The following THSD7A variants were observed in gnomAD, a reference collection of about 807,000 sequenced individuals.
THSD7A encodes thrombospondin type-1 domain-containing protein 7A.
A neutral mutation model predicts 231.3 loss-of-function variants in THSD7A; 96 were observed. The observed-to-expected ratio is 0.41, with a 90% confidence interval of 0.35 to 0.49. The LOEUF (loss-of-function observed/expected upper bound fraction) is 0.49. THSD7A is among the 20% of genes least tolerant of loss of function. The pLI, the probability that THSD7A is intolerant of heterozygous loss-of-function variation, is 0.05. For synonymous variants in THSD7A, 940 were observed against 743.3 expected (o/e 1.26, Z -4.30); for missense variants, 2,290 against 2,070.2 (o/e 1.11, Z -2.06).
In THSD7A at chr7:11,636,145, TTCC is replaced by T. The variant is rs1781833204; in HGVS notation, c.1004_1006del (p.Gly335_Lys336delinsGlu). ...AAAATGTTACCTTAAATCAGCAGCT[TTCC>T]CCGTCTTGTTAATGCACATAACCTC... On this transcript the variant is annotated inframe_deletion, in exon 2 of 28. Coordinates refer to ENST00000423059, the MANE Select transcript of THSD7A (RefSeq NM_015204.3). This position sits in a 1 kb window ranked among gnomAD's most constrained non-coding sequence, Gnocchi z 10.0. 1.2e-6 allele frequency: 2 copies of T among 1,611,016 alleles called. No individual in the cohort carries two copies. Among genetic ancestry groups the T allele is most frequent in the Non-Finnish European group, 8.5e-7 (1 of 1,178,542 alleles).
chr7:11,523,536 C>T (rs939439631), intron 6 of THSD7A, among the ~76,000 whole-genome samples: 1 of 151,792 alleles, frequency 6.6e-6, no homozygotes, highest in African/African-American at 2.4e-5. Context: ...TAATCCCTGA[C>T]AAAAAATTAC....
In THSD7A at chr7:11,521,298, G is replaced by A. The variant is rs190965157; in HGVS notation, c.1822+20121C>T. Among the ~76,000 whole-genome samples the A allele has an allele frequency of 9.3e-4, 141 of 152,042 alleles. 1 individual carries two copies. In the Middle Eastern group the frequency reaches 0.01, roughly 11 times the overall value. On this transcript the variant is annotated intron_variant, in intron 6 of 27. Transcript: ENST00000423059. ...TTTCATTCTCTTAGAACTTTTAAGAGTTAAACATGCCCAACTACATTCATT... is the reference window on the plus strand; with the variant it reads ...TTTCATTCTCTTAGAACTTTTAAGAATTAAACATGCCCAACTACATTCATT...
intron 1 of THSD7A, among the ~76,000 whole-genome samples, chr7:11,766,019 A>T (rs565694694): frequency 6.6e-6 from 1 of 152,294 alleles, no homozygotes; most frequent in Non-Finnish European, 1.5e-5. Context: ...CACAGTGTCA[A>T]TTCAGTGACA....
chr7:11,723,799 C>A lies in THSD7A; in HGVS notation c.191-86838G>T, dbSNP rs540581437. Among the ~76,000 whole-genome samples the A allele has an allele frequency of 2.0e-5, 3 of 151,930 alleles. No homozygotes were observed. The South Asian group carries it at 6.2e-4, about 32-fold the overall frequency. On this transcript the variant is annotated intron_variant, in intron 1 of 27. Transcript: ENST00000423059. ...TTCTATCATAACAGGGTCAGTAGGG[C>A]CAAAGCAGAATGAGCAAGAAGATTG...
intron 17 of THSD7A, among the ~76,000 whole-genome samples, chr7:11,414,384 T>G (rs925184143): frequency 4.6e-5 from 7 of 152,240 alleles, no homozygotes; most frequent in Admixed American, 6.5e-5. Flanking sequence ...ATGCATACTC[T>G]TTGTTTTTTA....
chr7:11,583,340 A>T (rs1322856524), intron 4 of THSD7A, among the ~76,000 whole-genome samples: 1 of 152,026 alleles, frequency 6.6e-6, no homozygotes, highest in Non-Finnish European at 1.5e-5. Context: ...GCAGTGGCAC[A>T]ATCTTGGCTA....
chr7:11,810,955 A>T (rs112374182), intron 1 of THSD7A, among the ~76,000 whole-genome samples: 2 of 152,064 alleles, frequency 1.3e-5, no homozygotes, highest in Non-Finnish European at 2.9e-5. Flanking sequence ...GCCAACTAAA[A>T]TTTTTTCCCA....
At chr7:11,435,697 G>A (rs952621254) in intron 13 of THSD7A, among the ~76,000 whole-genome samples, 44 of 152,160 alleles carry the variant, frequency 2.9e-4, no homozygotes, top group African/African-American at 1.0e-3. Context: ...AGCTGGTTCT[G>A]ATTTGTATCC....
At chr7:11,401,657 C>T in intron 23 of THSD7A, 138 bp downstream of exon 23, 1 of 713,840 alleles carries the variant, frequency 1.4e-6, no homozygotes, top group Non-Finnish European at 2.1e-6. Flanking sequence ...GGTGATCCGC[C>T]CACCTAGGCC....
chr7:11,748,783 C>A (rs1337742064), intron 1 of THSD7A, among the ~76,000 whole-genome samples: 1 of 151,596 alleles, frequency 6.6e-6, no homozygotes, highest in East Asian at 1.9e-4. Flanking sequence ...TGAAATAGGG[C>A]AATAGTGATA....
chr7:11,656,140 T>A (rs773291808), intron 1 of THSD7A, among the ~76,000 whole-genome samples: 22 of 151,932 alleles, frequency 1.4e-4, no homozygotes, highest in Non-Finnish European at 2.8e-4. Flanking sequence ...AGCATTTAGG[T>A]TGCATTTGAA....
chr7:11,426,336 C>A (rs928878139), intron 15 of THSD7A, among the ~76,000 whole-genome samples: 1 of 152,116 alleles, frequency 6.6e-6, no homozygotes, highest in African/African-American at 2.4e-5. Context: ...TCCACTTGCA[C>A]TTTTTCCTTC....
At chr7:11,622,931 A>G (rs1781365237) in intron 2 of THSD7A, among the ~76,000 whole-genome samples, 1 of 152,132 alleles carries the variant, frequency 6.6e-6, no homozygotes, top group Admixed American at 6.6e-5. Context: ...AGATATCTTC[A>G]TAGTTGTGGG....
At chr7:11,550,755 T>C (rs1204144516) in intron 4 of THSD7A, among the ~76,000 whole-genome samples, 7 of 152,174 alleles carry the variant, frequency 4.6e-5, no homozygotes, top group Admixed American at 2.0e-4. Context: ...AGTAATATTA[T>C]TGAAGTGGCC....
intron 1 of THSD7A, among the ~76,000 whole-genome samples, chr7:11,778,766 T>G (rs571483751): frequency 1.3e-5 from 2 of 152,282 alleles, no homozygotes; most frequent in East Asian, 3.9e-4. Context: ...GAAGTTCATA[T>G]TCTCATGTGA....
At chr7:11,501,358 A>G (rs1583858715) in intron 6 of THSD7A, among the ~76,000 whole-genome samples, 2 of 152,350 alleles carry the variant, frequency 1.3e-5, no homozygotes, top group East Asian at 3.9e-4. Context: ...CACATACTCT[A>G]AAATTGACCA....
intron 4 of THSD7A, among the ~76,000 whole-genome samples, chr7:11,575,547 G>C (rs529208564): frequency 1.8e-4 from 27 of 152,252 alleles, no homozygotes; most frequent in African/African-American, 6.3e-4. Context: ...TTGTGTCTCT[G>C]CATTGAACTG....
At position 11,424,814 on chromosome 7, in the gene THSD7A, G is replaced by A; in HGVS notation, c.3265C>T (p.Pro1089Ser). ...VNQAQVYEVV[P>S]CHSDCNQYLW... is the part of the protein sequence containing the mutation. ...TACTGGTTGCAGTCACTGTGGCATG[G>A]GACAACCTCATACACCTGAAACACA... Residue 1089 changes from proline to serine, a missense_variant, in exon 16 of 28, where the codon CCA (proline) becomes TCA (serine). Coordinates refer to ENST00000423059, the MANE Select transcript of THSD7A (RefSeq NM_015204.3). The A allele has an allele frequency of 6.2e-7, 1 of 1,613,912 alleles. No homozygotes were observed. Among genetic ancestry groups the A allele is most frequent in the Non-Finnish European group, 8.5e-7 (1 of 1,179,862 alleles).
chr7:11,457,188 C>T (rs1785336021), intron 11 of THSD7A, among the ~76,000 whole-genome samples: 1 of 152,038 alleles, frequency 6.6e-6, no homozygotes, highest in African/African-American at 2.4e-5. Context: ...CATCTGCCAT[C>T]TTATGCTATC....
Sources: gnomAD v4.1 joint callset for allele counts (sites outside exome capture counted in the v4.1 genomes callset) on GRCh38, gnomAD v4.1.1 for gene constraint, Gnocchi (gnomAD v3.1) non-coding constraint, MANE v1.5 for transcripts, NCBI Gene and HGNC (gene_info 2026-07-23, HGNC 2026-07-21) for gene names.